Variants in TMEM71 observed in about 807,000 individuals in gnomAD.
The protein encoded by TMEM71 is transmembrane protein 71.
Under a neutral mutation model 38.0 loss-of-function variants are expected in TMEM71, and 44 were observed. The ratio of observed to expected loss-of-function variants is 1.16; its 90% confidence interval spans 0.91 to 1.49. The LOEUF (loss-of-function observed/expected upper bound fraction) is 1.49, where lower values mean the gene tolerates loss of function less well. TMEM71 is among the 40% of genes most tolerant of loss of function. The pLI is 0.00. For missense variants in TMEM71, 367 were observed against 348.6 expected, an observed-to-expected ratio of 1.05 and a Z score of -0.42; for synonymous variants, 133 against 122.5, an observed-to-expected ratio of 1.09 and a Z score of -0.56.
upstream of TMEM71, among the ~76,000 whole-genome samples, chr8:132,763,340 G>C (rs1829326063): frequency 2.0e-5 from 3 of 152,208 alleles, 1 homozygote; most frequent in Admixed American, 2.0e-4. Flanking sequence ...CAAGTATCAA[G>C]AGTAGTGCTT....
chr8:132,732,717 C>T (rs541544889), intron 5 of TMEM71, among the ~76,000 whole-genome samples: 2 of 152,240 alleles, frequency 1.3e-5, no homozygotes, highest in Non-Finnish European at 2.9e-5. Flanking sequence ...CCTCATACAA[C>T]AGTAGTTCTT....
intron 4 of TMEM71, 64 bp downstream of exon 4, chr8:132,751,721 A>G: frequency 2.7e-6 from 4 of 1,457,578 alleles, no homozygotes; most frequent in Non-Finnish European, 3.8e-6. Flanking sequence ...TGAATAAATG[A>G]ATGAATAAAC....
chr8:132,757,783 T>G (rs2433054), intron 2 of TMEM71, among the ~76,000 whole-genome samples: 60,407 of 145,844 alleles, frequency 0.41, 12,412 homozygotes, highest in Non-Finnish European at 0.44. Context: ...CTGAGATCGC[T>G]CCACTGCACT....
At chr8:132,733,471 G>C (rs1172104622) in intron 5 of TMEM71, among the ~76,000 whole-genome samples, 2 of 152,186 alleles carry the variant, frequency 1.3e-5, no homozygotes, top group Admixed American at 1.3e-4. Context: ...TAGCTGGTGG[G>C]CTGACTTCAC....
At chr8:132,719,367 C>G (rs994228729) in intron 7 of TMEM71, among the ~76,000 whole-genome samples, 4 of 152,234 alleles carry the variant, frequency 2.6e-5, no homozygotes, top group Admixed American at 2.6e-4. Context: ...CCACACCTGA[C>G]TTCATGCCAC....
chr8:132,772,519 C>A, the TMEM71 span, among the ~76,000 whole-genome samples: 1 of 152,126 alleles, frequency 6.6e-6, no homozygotes, highest in Admixed American at 6.5e-5. Flanking sequence ...CTGATCCTGA[C>A]CTTTGACTCT....
intron 4 of TMEM71, among the ~76,000 whole-genome samples, chr8:132,751,375 C>G (rs1183488515): frequency 6.6e-6 from 1 of 152,196 alleles, no homozygotes; most frequent in South Asian, 2.1e-4. Flanking sequence ...TTAAATCAGC[C>G]ATCACCACCA....
the TMEM71 span, among the ~76,000 whole-genome samples, chr8:132,774,682 A>G: frequency 6.6e-6 from 1 of 152,380 alleles, no homozygotes; most frequent in Non-Finnish European, 1.5e-5. Context: ...TCCCCACAGC[A>G]AGGATACTGT....
intron 7 of TMEM71, among the ~76,000 whole-genome samples, chr8:132,715,154 C>T (rs1047669124): frequency 1.3e-5 from 2 of 152,004 alleles, no homozygotes; most frequent in Non-Finnish European, 2.9e-5. Flanking sequence ...TGCCTGTAAT[C>T]CCAGCACTTT....
Position 132,758,843 on chromosome 8 carries a change from C to A in TMEM71, c.37G>T (p.Ala13Ser), listed in dbSNP as rs1434141884. The change falls in exon 2 of 10, where the codon GCA becomes TCA. Residue 13 changes from alanine (A) to serine (S), a missense_variant. Ala to Ser is a moderately conservative substitution (Grantham distance 99). Transcript: ENST00000677595. ...ATCACAGTTCTTCTACATTTACTTG[C>A]TACTGGTGTTGACATCAGTTGAGAT... ...RISQLMSTPVASSSRLEREYA... is the reference protein window; with the variant it reads ...RISQLMSTPVSSSSRLEREYA... The A allele has an allele frequency of 1.2e-6, 2 of 1,613,414 alleles. No homozygotes were observed. The highest frequency in any genetic ancestry group is 3.3e-5 in the Admixed American group (2 of 59,972).
chr8:132,750,195 T>C (rs1427998547), intron 4 of TMEM71, among the ~76,000 whole-genome samples: 1 of 152,126 alleles, frequency 6.6e-6, no homozygotes, highest in African/African-American at 2.4e-5. Flanking sequence ...GGAGGATAAG[T>C]GGTGCTTCTT....
intron 6 of TMEM71, among the ~76,000 whole-genome samples, chr8:132,727,539 A>G (rs1586789799): frequency 6.6e-6 from 1 of 152,124 alleles, no homozygotes; most frequent in South Asian, 2.1e-4. Flanking sequence ...TACAGGCCTG[A>G]CCTGCCGTGC....
rs538745786 is a variant in TMEM71 at position 132,745,757 on chromosome 8, AAGAATCAACCT to A, written c.487+1174_487+1184del. On this transcript the variant is annotated intron_variant, in intron 5 of 9. Coordinates refer to ENST00000677595, the MANE Select transcript of TMEM71 (RefSeq NM_001382403.1). ...AGCACTATTCACAATAACAAAGACA[AAGAATCAACCT>A]AGGTTTCCATCAACATTGAATTGAA... is the stretch of plus-strand genomic sequence containing the variant. Among the ~76,000 whole-genome samples the A allele has an allele frequency of 1.8e-4, 27 of 152,098 alleles. No individual in the cohort carries two copies. In the East Asian group the frequency reaches 2.9e-3, roughly 16 times the overall value.
At chr8:132,743,339 C>T (rs764632091) in intron 5 of TMEM71, among the ~76,000 whole-genome samples, 2 of 152,092 alleles carry the variant, frequency 1.3e-5, no homozygotes, top group Non-Finnish European at 2.9e-5. Flanking sequence ...TCCTGGTTCT[C>T]TTCTGCCACT....
chr8:132,755,632 A>G (rs1223685845), intron 3 of TMEM71, among the ~76,000 whole-genome samples: 1 of 152,206 alleles, frequency 6.6e-6, no homozygotes, highest in African/African-American at 2.4e-5. Flanking sequence ...TTACACACTG[A>G]TAGATTACAG....
rs772576974 is a variant in TMEM71, at chr8:132,746,956, T to A, written c.473A>T (p.His158Leu). ...LKGTRRLDTDHCNGNADDLDC... is the reference protein window; with the variant it reads ...LKGTRRLDTDLCNGNADDLDC... The stretch of plus-strand genomic sequence containing the variant: ...CTCAAACTCACCATTTCCATTGCAA[T>A]GGTCTGTGTCCAACCTCCTGGTCCC... The change falls in exon 5 of 10, where the codon CAT becomes CTT. Residue 158 changes from histidine (H) to leucine (L), a missense_variant. Transcript: ENST00000677595. 8 of 1,597,460 alleles carry A rather than the reference T, an allele frequency of 5.0e-6. No homozygotes were observed. The highest frequency in any genetic ancestry group is 1.1e-5 in the South Asian group (1 of 87,948).
intron 5 of TMEM71, 142 bp from the exon 6 acceptor site, chr8:132,728,128 T>C (rs1425166707): frequency 2.7e-5 from 16 of 586,242 alleles, no homozygotes; most frequent in Non-Finnish European, 1.7e-5. Context: ...ACTACCATAG[T>C]GGGATGGGAG....
At chr8:132,736,751 A>G (rs1827769113) in intron 5 of TMEM71, among the ~76,000 whole-genome samples, 1 of 152,014 alleles carries the variant, frequency 6.6e-6, no homozygotes, top group East Asian at 1.9e-4. Context: ...GAATTGCTTG[A>G]GCCCACGAGG....
intron 3 of TMEM71, among the ~76,000 whole-genome samples, chr8:132,752,765 A>G (rs1295676703): frequency 6.7e-6 from 1 of 149,984 alleles, no homozygotes; most frequent in Non-Finnish European, 1.5e-5. Flanking sequence ...AAGAAGAGAG[A>G]GAGAGAAAAA....
Sources: gnomAD v4.1 joint callset for allele counts (sites outside exome capture counted in the v4.1 genomes callset) on GRCh38, gnomAD v4.1.1 for gene constraint, MANE v1.5 for transcripts, NCBI Gene and HGNC (gene_info 2026-07-23, HGNC 2026-07-21) for gene names.